Variants in LRRTM4 observed in about 807,000 individuals in gnomAD.
LRRTM4 encodes leucine-rich repeat transmembrane neuronal protein 4.
A neutral mutation model predicts 47.6 loss-of-function variants in LRRTM4; 25 were observed. The ratio of observed to expected loss-of-function variants is 0.53; its 90% CI spans 0.38 to 0.73. The LOEUF is 0.73. Among genes scored for constraint, LRRTM4 ranks in the 30% least tolerant of loss-of-function variants. The pLI is 0.00. For synonymous variants in LRRTM4, 311 were observed against 269.5 expected (o/e 1.15, Z -1.51); for missense variants, 638 against 713.4 (o/e 0.89, Z 1.20).
intron 3 of LRRTM4, among the ~76,000 whole-genome samples, chr2:77,512,368 G>GA (rs1193051147): frequency 6.6e-6 from 1 of 152,006 alleles, no homozygotes; most frequent in East Asian, 1.9e-4. Flanking sequence ...GAGTGCATGA[G>GA]AAAAATAGCC....
chr2:76,890,127 T>C (rs1458481473), intron 3 of LRRTM4, among the ~76,000 whole-genome samples: 1 of 152,006 alleles, frequency 6.6e-6, no homozygotes, highest in Non-Finnish European at 1.5e-5. Flanking sequence ...TCTGAGATTT[T>C]TGGAGTTGGA....
chr2:76,895,686 T>A (rs1673391447), intron 3 of LRRTM4, among the ~76,000 whole-genome samples: 1 of 152,024 alleles, frequency 6.6e-6, no homozygotes, highest in South Asian at 2.1e-4. Context: ...TGTGCCTTCA[T>A]CACGCCATCG....
At chr2:77,383,684 T>C (rs151131334) in intron 3 of LRRTM4, among the ~76,000 whole-genome samples, 198 of 152,214 alleles carry the variant, frequency 1.3e-3, no homozygotes, top group African/African-American at 3.4e-3. Context: ...ATACCCTTCA[T>C]AGAGATGAAA....
chr2:76,766,398 T>G (rs1454041508), intron 3 of LRRTM4, among the ~76,000 whole-genome samples: 1 of 152,302 alleles, frequency 6.6e-6, no homozygotes, highest in Non-Finnish European at 1.5e-5. Flanking sequence ...GTTCTCCTTG[T>G]CTTTCTATGT....
chr2:77,148,229 T>C (rs932827094), intron 3 of LRRTM4, among the ~76,000 whole-genome samples: 2 of 152,186 alleles, frequency 1.3e-5, no homozygotes, highest in African/African-American at 4.8e-5. Flanking sequence ...GCTGTTGATT[T>C]CAGCTTGGCA....
intron 3 of LRRTM4, among the ~76,000 whole-genome samples, chr2:77,240,161 G>GA (rs1038981075): frequency 4.0e-5 from 6 of 151,606 alleles, no homozygotes; most frequent in African/African-American, 1.2e-4. Flanking sequence ...ATTTAGAAAT[G>GA]AAAAAATACT....
chr2:76,932,417 GTACC>G (rs1304035686), intron 3 of LRRTM4, among the ~76,000 whole-genome samples: 1 of 151,916 alleles, frequency 6.6e-6, no homozygotes, highest in Admixed American at 6.6e-5. Context: ...ATGTATACAG[GTACC>G]TATAATAAAG....
At chr2:77,468,768 C>T (rs1677079138) in intron 3 of LRRTM4, among the ~76,000 whole-genome samples, 1 of 152,036 alleles carries the variant, frequency 6.6e-6, no homozygotes, top group African/African-American at 2.4e-5. Context: ...AGTGTCCTGG[C>T]CAAACTCTCA....
chr2:77,099,201 TATC>T (rs1670886774), intron 3 of LRRTM4, among the ~76,000 whole-genome samples: 1 of 151,990 alleles, frequency 6.6e-6, no homozygotes, highest in Admixed American at 6.6e-5. Context: ...TAGTATTAAT[TATC>T]ATATACAAAG....
chr2:77,017,793 GATTA>G (rs1410632807), intron 3 of LRRTM4, among the ~76,000 whole-genome samples: 8 of 118,056 alleles, frequency 6.8e-5, no homozygotes, highest in African/African-American at 5.5e-4. Context: ...AACTTTATTT[GATTA>G]ATTTAGCTTT....
intron 3 of LRRTM4, among the ~76,000 whole-genome samples, chr2:76,931,350 CCTT>C (rs1674763322): frequency 6.6e-6 from 1 of 152,018 alleles, no homozygotes; most frequent in Non-Finnish European, 1.5e-5. Flanking sequence ...GTGAAAATCA[CCTT>C]CTATAATAAA....
In LRRTM4 at chr2:77,088,995, C is replaced by T. The variant is rs1027590871; in HGVS notation, c.1552-340079G>A. On this transcript the variant is annotated intron_variant, in intron 3 of 3. Coordinates refer to ENST00000409884, the MANE Select transcript of LRRTM4 (RefSeq NM_001134745.3). ...TTTATCCGTGGACCCAAAACTCCGG[C>T]GCCGGTCACGGACTGGGAAGGCAGC... is the stretch of plus-strand genomic sequence containing the variant. Among the ~76,000 whole-genome samples, 3 of 152,088 alleles carry T rather than the reference C, an allele frequency of 2.0e-5. No individual in the cohort carries two copies. The East Asian group carries it at 5.8e-4, about 29-fold the overall frequency.
intron 3 of LRRTM4, among the ~76,000 whole-genome samples, chr2:76,841,416 A>C (rs1361431291): frequency 1.3e-5 from 2 of 152,046 alleles, no homozygotes; most frequent in African/African-American, 4.8e-5. Context: ...CCTAAAACTT[A>C]AAGTATAATA....
intron 3 of LRRTM4, among the ~76,000 whole-genome samples, chr2:76,946,632 T>C (rs778450394): frequency 4.0e-5 from 6 of 151,812 alleles, no homozygotes; most frequent in African/African-American, 1.4e-4. Context: ...AATTTCTGCA[T>C]TGCCAGCTTC....
At chr2:76,871,643 G>A (rs1192743369) in intron 3 of LRRTM4, among the ~76,000 whole-genome samples, 1 of 152,126 alleles carries the variant, frequency 6.6e-6, no homozygotes, top group African/African-American at 2.4e-5. Flanking sequence ...GAATGGGCAG[G>A]AACTGTCACT....
At chr2:77,226,208 G>A (rs1674800984) in intron 3 of LRRTM4, among the ~76,000 whole-genome samples, 1 of 151,738 alleles carries the variant, frequency 6.6e-6, no homozygotes, top group African/African-American at 2.4e-5. Context: ...CACTTAAAAT[G>A]TTTCAAACAA....
chr2:77,042,095 T>C lies in LRRTM4; in HGVS notation c.1552-293179A>G, dbSNP rs193009049. Among the ~76,000 whole-genome samples, 541 of 151,590 alleles carry C rather than the reference T, an allele frequency of 3.6e-3. 6 individuals are homozygous for C. The highest frequency in any genetic ancestry group is 0.012 in the African/African-American group (507 of 41,452). On this transcript the variant is annotated intron_variant, in intron 3 of 3. Transcript: ENST00000409884. ...GTGAGGAAGAGTATTACTTGAACAA[T>C]TGACAAATTCTGAATAAGGCCTATG...
At chr2:76,924,242 CAT>C (rs1234791760) in intron 3 of LRRTM4, among the ~76,000 whole-genome samples, 1 of 152,102 alleles carries the variant, frequency 6.6e-6, no homozygotes, top group Non-Finnish European at 1.5e-5. Context: ...TAATAGGTCT[CAT>C]AATCATGAGA....
At chr2:77,480,607 A>G (rs1016817102) in intron 3 of LRRTM4, among the ~76,000 whole-genome samples, 3 of 152,108 alleles carry the variant, frequency 2.0e-5, no homozygotes, top group Admixed American at 1.3e-4. Context: ...TGCTTACTCC[A>G]CACTGCCACT....
Sources: gnomAD v4.1 joint callset for allele counts (sites outside exome capture counted in the v4.1 genomes callset) on GRCh38, gnomAD v4.1.1 for gene constraint, MANE v1.5 for transcripts, NCBI Gene and HGNC (gene_info 2026-07-23, HGNC 2026-07-21) for gene names.